GLTP: variants seen among roughly 807,000 people sequenced by gnomAD.
The protein encoded by GLTP is glycolipid transfer protein.
A neutral mutation model predicts 24.0 loss-of-function variants in GLTP; 22 were observed. The observed-to-expected ratio is 0.92, with a 90% CI of 0.65 to 1.31. GLTP has a LOEUF of 1.31. Among genes scored for constraint, GLTP ranks in the 50% most tolerant of loss-of-function variants. The probability of loss-of-function intolerance (pLI) is 0.00; values close to 1 mark genes in which losing one functional copy is unlikely to be tolerated. For missense variants in GLTP, 224 were observed against 276.6 expected (o/e 0.81, Z 1.35); for synonymous variants, 92 against 115.9 (o/e 0.79, Z 1.33).
chr12:109,862,995 T>C (rs1442344034), intron 1 of GLTP, among the ~76,000 whole-genome samples: 1 of 152,054 alleles, frequency 6.6e-6, no homozygotes, highest in Non-Finnish European at 1.5e-5. Context: ...GAGGTTGCAG[T>C]GAGCCGAGAC....
chr12:109,867,030 G>A (rs761623575), intron 1 of GLTP, among the ~76,000 whole-genome samples: 27 of 151,010 alleles, frequency 1.8e-4, no homozygotes, highest in African/African-American at 4.1e-4. Flanking sequence ...CTCTAGCCTC[G>A]GCCTCCCAAA....
rs2136051827 is a variant in GLTP, at chr12:109,879,561, G to A, written c.103+711C>T. Among the ~76,000 whole-genome samples the A allele has an allele frequency of 2.0e-5, 3 of 152,242 alleles. No individual in the cohort carries two copies. In the Middle Eastern group the frequency reaches 0.01, roughly 518 times the overall value. On this transcript the variant is annotated intron_variant, in intron 1 of 4. Coordinates refer to ENST00000318348, the MANE Select transcript of GLTP (RefSeq NM_016433.4). ...AATTGGTGCCAAGCTCTGTATGTCT[G>A]ATGTCACCTCACAAAACAGCTCCCC... is the stretch of plus-strand genomic sequence containing the variant.
chr12:109,855,541 G>T lies in GLTP; in HGVS notation c.447+78C>A. ...TAAACACAGCCTCACAGGCCAGGAG[G>T]CCTCGGCTAAGCAGGGGCAGAGTGG... On this transcript the variant is annotated intron_variant, in intron 4 of 4. Transcript: ENST00000318348. This position sits in a 1 kb window ranked among gnomAD's most constrained non-coding sequence, Gnocchi z 4.1. 1 of 1,319,908 alleles carries T rather than the reference G, an allele frequency of 7.6e-7. No individual in the cohort carries two copies. 81.8% of individuals were successfully genotyped at this position (1,319,908 alleles called of 1,614,324 possible). A position where few individuals can be genotyped will look rare whatever the true frequency, so the allele number is the denominator to read the frequency against.
intron 1 of GLTP, among the ~76,000 whole-genome samples, chr12:109,879,466 A>G (rs1024863299): frequency 3.9e-5 from 6 of 152,074 alleles, no homozygotes; most frequent in Admixed American, 2.0e-4. Flanking sequence ...CGCCTTCCCA[A>G]TGCGCCCAGG....
In GLTP at chr12:109,855,785, G is replaced by A. The variant is rs12371885; in HGVS notation, c.297-16C>T. ...GCGGAGGCCTCTGTGGCCCAGGGAG[G>A]AGAAGGTTCGTTAGGACCCTGCACA... On this transcript the variant is annotated splice_polypyrimidine_tract_variant and intron_variant, in intron 3 of 4. Transcript: ENST00000318348. This position sits in a 1 kb window ranked among gnomAD's most constrained non-coding sequence, Gnocchi z 4.1. The A allele has an allele frequency of 3.2e-6, 5 of 1,569,550 alleles. No individual in the cohort carries two copies. Among genetic ancestry groups the A allele is most frequent in the Admixed American group, 3.8e-5 (2 of 52,934 alleles).
In GLTP at chr12:109,880,371, C is replaced by T; in HGVS notation, c.4G>A (p.Ala2Thr). The T allele has an allele frequency of 5.0e-6, 8 of 1,585,260 alleles. No individual in the cohort carries two copies. The highest frequency in any genetic ancestry group is 6.8e-6 in the Non-Finnish European group (8 of 1,168,034). The change falls in exon 1 of 5, where the codon GCG (alanine) becomes ACG (threonine). Residue 2 changes from alanine to threonine, a missense_variant. By Grantham distance (58) the Ala-to-Thr change is moderately conservative. Coordinates refer to ENST00000318348, the MANE Select transcript of GLTP (RefSeq NM_016433.4). This position sits in a 1 kb window ranked among gnomAD's most constrained non-coding sequence, Gnocchi z 5.1. Reference protein sequence around the residue: MALLAEHLLKPL... With the variant: MTLLAEHLLKPL... ...TTCAGCAAGTGTTCGGCCAGCAGCGCCATTTCGGGGTCGAGGCCCGCGGTG... is the reference window on the plus strand; with the variant it reads ...TTCAGCAAGTGTTCGGCCAGCAGCGTCATTTCGGGGTCGAGGCCCGCGGTG...
chr12:109,855,534 C>T lies in GLTP; in HGVS notation c.447+85G>A. ...GAGGGGGTAAACACAGCCTCACAGG[C>T]CAGGAGGCCTCGGCTAAGCAGGGGC... On this transcript the variant is annotated intron_variant, in intron 4 of 4. Coordinates refer to ENST00000318348, the MANE Select transcript of GLTP (RefSeq NM_016433.4). This position sits in a 1 kb window ranked among gnomAD's most constrained non-coding sequence, Gnocchi z 4.1. 1 of 1,273,388 alleles carries T rather than the reference C, an allele frequency of 7.9e-7. No homozygotes were observed. The highest frequency in any genetic ancestry group is 1.1e-6 in the Non-Finnish European group (1 of 922,460). 78.9% of individuals were successfully genotyped at this position (1,273,388 alleles called of 1,614,324 possible). A position where few individuals can be genotyped will look rare whatever the true frequency, so the allele number is the denominator to read the frequency against.
At chr12:109,870,469 CAA>C (rs1491191995) in intron 1 of GLTP, among the ~76,000 whole-genome samples, 2 of 105,814 alleles carry the variant, frequency 1.9e-5, no homozygotes, top group African/African-American at 8.8e-5. Context: ...GACTCTGTCT[CAA>C]AAATAAAATA....
chr12:109,880,060 G>C lies in GLTP; in HGVS notation c.103+212C>G, dbSNP rs965566145. Among the ~76,000 whole-genome samples, 1 of 152,060 alleles carries C rather than the reference G, an allele frequency of 6.6e-6. No individual in the cohort carries two copies. The highest frequency in any genetic ancestry group is 2.4e-5 in the African/African-American group (1 of 41,388). On this transcript the variant is annotated intron_variant, in intron 1 of 4. Transcript: ENST00000318348. This position sits in a 1 kb window ranked among gnomAD's most constrained non-coding sequence, Gnocchi z 5.1. ...GGAGAGGGAGGATTTGGGGAGGACA[G>C]GCAGGATGTGACATGTTTAGAGCGG...
At chr12:109,879,423 G>A (rs1040077758) in intron 1 of GLTP, among the ~76,000 whole-genome samples, 5 of 152,204 alleles carry the variant, frequency 3.3e-5, no homozygotes, top group African/African-American at 1.2e-4. Context: ...GGGCTAGGCT[G>A]AGGGAGTGCG....
chr12:109,876,453 A>G (rs1868879751), intron 1 of GLTP, among the ~76,000 whole-genome samples: 1 of 151,954 alleles, frequency 6.6e-6, no homozygotes, highest in South Asian at 2.1e-4. Flanking sequence ...AGTTCACATC[A>G]CTGCACCACT....
At chr12:109,869,833 G>C (rs1363869455) in intron 1 of GLTP, among the ~76,000 whole-genome samples, 1 of 151,622 alleles carries the variant, frequency 6.6e-6, no homozygotes, top group Middle Eastern at 3.2e-3. Context: ...GCAGTGGCGC[G>C]ATCTCGGCTC....
chr12:109,855,900 T>G lies in GLTP; in HGVS notation c.297-131A>C. ...CGCCCCAGAGGGAGTGGTTATTCCC[T>G]AATCATCTTTCCCTTCTGCTTACAA... On this transcript the variant is annotated intron_variant, in intron 3 of 4. Coordinates refer to ENST00000318348, the MANE Select transcript of GLTP (RefSeq NM_016433.4). The surrounding 1 kb of genome is among the most constrained non-coding windows in gnomAD (Gnocchi z 4.1). The G allele has an allele frequency of 1.6e-6, 1 of 639,638 alleles. No homozygotes were observed. Among genetic ancestry groups the G allele is most frequent in the Non-Finnish European group, 2.6e-6 (1 of 389,842 alleles). 39.6% of individuals were successfully genotyped at this position (639,638 alleles called of 1,614,324 possible). A position where few individuals can be genotyped will look rare whatever the true frequency, so the allele number is the denominator to read the frequency against.
intron 1 of GLTP, among the ~76,000 whole-genome samples, chr12:109,870,741 G>A (rs1396031448): frequency 2.0e-5 from 3 of 152,148 alleles, no homozygotes; most frequent in African/African-American, 7.2e-5. Context: ...GACTTCAAAT[G>A]TATTCCAGAC....
chr12:109,875,534 A>G (rs1332795076), intron 1 of GLTP, among the ~76,000 whole-genome samples: 2 of 152,192 alleles, frequency 1.3e-5, no homozygotes, highest in Non-Finnish European at 2.9e-5. Flanking sequence ...TCCCATTGTT[A>G]ATGCTTTAGA....
At position 109,869,173 on chromosome 12, in the gene GLTP, G is replaced by A. The variant is rs529866826; in HGVS notation, c.104-10432C>T. ...AAATGAGTCGGGCATGGTGGTGCAC[G>A]TCTGTAATCCAAGTTTCTCAGGAGG... On this transcript the variant is annotated intron_variant, in intron 1 of 4. Coordinates refer to ENST00000318348, the MANE Select transcript of GLTP (RefSeq NM_016433.4). Among the ~76,000 whole-genome samples the A allele has an allele frequency of 5.9e-5, 9 of 151,802 alleles. 1 individual carries two copies. The highest frequency in any genetic ancestry group is 1.3e-4 in the Admixed American group (2 of 15,210).
At chr12:109,859,391 C>T (rs949779588) in intron 1 of GLTP, among the ~76,000 whole-genome samples, 3 of 152,108 alleles carry the variant, frequency 2.0e-5, no homozygotes, top group Non-Finnish European at 2.9e-5. Context: ...TGGTGGCTTG[C>T]GCCTGTAATC....
chr12:109,871,539 C>G (rs902151132), intron 1 of GLTP, among the ~76,000 whole-genome samples: 15 of 152,136 alleles, frequency 9.9e-5, no homozygotes, highest in African/African-American at 3.6e-4. Context: ...GTTGGTCTCC[C>G]CTGTTACAGG....
chr12:109,858,050 AG>A (rs1254392368), intron 2 of GLTP: 2 of 444,784 alleles, frequency 4.5e-6, no homozygotes, highest in Admixed American at 5.1e-5. Context: ...AAGTGGAAAT[AG>A]GTTCCGAGGA....
Sources: gnomAD v4.1 joint callset for allele counts (sites outside exome capture counted in the v4.1 genomes callset) on GRCh38, gnomAD v4.1.1 for gene constraint, Gnocchi (gnomAD v3.1) non-coding constraint, MANE v1.5 for transcripts, NCBI Gene and HGNC (gene_info 2026-07-23, HGNC 2026-07-21) for gene names.